Variants in GNL3L observed in about 807,000 individuals in gnomAD.
GNL3L encodes the protein guanine nucleotide-binding protein-like 3-like protein.
Under a neutral mutation model 42.9 loss-of-function variants are expected in GNL3L, and 4 were observed. The observed-to-expected ratio is 0.09, with a 90% CI of 0.05 to 0.21. The LOEUF (loss-of-function observed/expected upper bound fraction) is 0.21, where lower values mean the gene tolerates loss of function less well. Among genes scored for constraint, GNL3L ranks in the 10% least tolerant of loss-of-function variants. The probability of loss-of-function intolerance (pLI) is 1.00; values close to 1 mark genes in which losing one functional copy is unlikely to be tolerated. For missense variants in GNL3L, 412 were observed against 481.7 expected (o/e 0.86, Z 1.36); for synonymous variants, 159 against 176.3 (o/e 0.90, Z 0.78).
chrX:54,642,220 A>G, the GNL3L span, among the ~76,000 whole-genome samples: 3 of 112,044 alleles, frequency 2.7e-5, no homozygotes, highest in Non-Finnish European at 5.6e-5. Flanking sequence ...ACTGAGGCTT[A>G]GTGAGATTAA....
downstream of GNL3L, among the ~76,000 whole-genome samples, chrX:54,623,359 G>T (rs914250660): frequency 8.9e-6 from 1 of 111,886 alleles, no homozygotes; most frequent in East Asian, 2.8e-4. Context: ...CTTGTTTCCA[G>T]GTTTAAATGA....
chrX:54,548,011 CAT>C (rs1924821621), intron 8 of GNL3L, among the ~76,000 whole-genome samples: 1 of 111,712 alleles, frequency 9.0e-6, no homozygotes, highest in Non-Finnish European at 1.9e-5. Flanking sequence ...AGGCAAGTGA[CAT>C]GTGTCGAAGC....
intron 2 of GNL3L, among the ~76,000 whole-genome samples, chrX:54,536,482 T>G (rs1237540293): frequency 9.0e-6 from 1 of 110,696 alleles, no homozygotes; most frequent in Non-Finnish European, 1.9e-5. Flanking sequence ...TGCCAGTAGT[T>G]TTATCCAAAA....
intron 16 of GNL3L, among the ~76,000 whole-genome samples, chrX:54,581,955 G>A (rs1362007296): frequency 8.9e-6 from 1 of 111,880 alleles, no homozygotes; most frequent in African/African-American, 3.3e-5. Flanking sequence ...GAGTTATGTA[G>A]GAGTAGCTTT....
chrX:54,625,279 G>GT (rs1467584643), downstream of GNL3L, among the ~76,000 whole-genome samples: 5 of 86,935 alleles, frequency 5.8e-5, no homozygotes, highest in African/African-American at 3.1e-4. Flanking sequence ...GTTAGCTCTG[G>GT]TTTTGTTTTG....
At position 54,563,782 on chromosome X, in the gene GNL3L, T is replaced by A. The variant is rs1002249942; in HGVS notation, c.*3180T>A. The stretch of plus-strand genomic sequence containing the variant: ...GCGTGGGCAACAGAGTGAGACTGTC[T>A]CAGGGGGAAAAAAAAAGAGGAAAAC... On this transcript the variant is annotated 3_prime_UTR_variant, in exon 16 of 16. Coordinates refer to ENST00000360845, the MANE Select transcript of GNL3L (RefSeq NM_001184819.2). Among the ~76,000 whole-genome samples, 2 of 109,136 alleles carry A rather than the reference T, an allele frequency of 1.8e-5. No individual in the cohort carries two copies. The highest frequency in any genetic ancestry group is 6.9e-5 in the African/African-American group (2 of 29,183). 94.8% of individuals were successfully genotyped at this position (109,136 alleles called of 115,157 possible).
intron 14 of GNL3L, 22 bp downstream of exon 14, chrX:54,554,714 G>T (rs376559588): frequency 1.1e-4 from 128 of 1,190,993 alleles, no homozygotes; most frequent in Non-Finnish European, 1.4e-4. Context: ...CTTTGTTCAT[G>T]GCAACCCTCT....
intron 16 of GNL3L, among the ~76,000 whole-genome samples, chrX:54,607,082 C>CT (rs1557200532): frequency 0.12 from 2,564 of 21,116 alleles, 409 homozygotes; most frequent in African/African-American, 0.27. Flanking sequence ...CTCTTTCTTT[C>CT]TTCTTTCTTT....
At chrX:54,554,895 C>A (rs1925042883) in intron 14 of GNL3L, among the ~76,000 whole-genome samples, 1 of 111,785 alleles carries the variant, frequency 8.9e-6, no homozygotes, top group African/African-American at 3.2e-5. Flanking sequence ...GCAGCTTTCC[C>A]AGCTCTGGTT....
intron 16 of GNL3L, among the ~76,000 whole-genome samples, chrX:54,575,728 C>T (rs1224986699): frequency 1.8e-5 from 2 of 108,903 alleles, no homozygotes; most frequent in African/African-American, 6.7e-5. Context: ...AGCAAGACTC[C>T]GTCTCAAAAA....
intron 7 of GNL3L, among the ~76,000 whole-genome samples, chrX:54,543,805 T>G (rs1055880726): frequency 8.9e-6 from 1 of 112,265 alleles, no homozygotes; most frequent in Non-Finnish European, 1.9e-5. Flanking sequence ...GAATTAATGA[T>G]AAAATGCTTG....
chrX:54,571,354 C>T (rs372013636), downstream of GNL3L, among the ~76,000 whole-genome samples: 73 of 108,812 alleles, frequency 6.7e-4, no homozygotes, highest in African/African-American at 2.2e-3. Context: ...CCACCACGCC[C>T]GACTAATGTT....
chrX:54,601,352 C>G (rs1157873318), intron 16 of GNL3L, among the ~76,000 whole-genome samples: 1 of 111,552 alleles, frequency 9.0e-6, no homozygotes, highest in Admixed American at 9.5e-5. Context: ...GTATTATATG[C>G]TATGTGATTT....
exon 17 of GNL3L, among the ~76,000 whole-genome samples, chrX:54,621,215 T>C (rs1337825608): frequency 8.9e-6 from 1 of 111,976 alleles, no homozygotes; most frequent in Non-Finnish European, 1.9e-5. Context: ...CCTTTTAGGC[T>C]AAGTCATATA....
At chrX:54,580,883 T>G (rs1316951653) in intron 16 of GNL3L, among the ~76,000 whole-genome samples, 1 of 112,062 alleles carries the variant, frequency 8.9e-6, no homozygotes, top group Non-Finnish European at 1.9e-5. Flanking sequence ...TGGGTTCAAG[T>G]GATTCTCCTG....
rs1283484072 is a variant in GNL3L, at chrX:54,551,960, A to G, written c.1167A>G (p.Leu389=). The stretch of plus-strand genomic sequence containing the variant: ...AGGAACAGGCGGCCAAAGCTGTCCT[A>G]GCTGACTGGGTGAGGTGAGGAGGGG... The part of the protein sequence containing the change: ...YSQEQAAKAV[L]ADWVSGKISF... The change falls in exon 12 of 16, where the codon CTA becomes CTG. Residue 389 remains leucine, a synonymous_variant. Transcript: ENST00000360845. The G allele has an allele frequency of 8.3e-7, 1 of 1,210,239 alleles. No individual in the cohort carries two copies. Among genetic ancestry groups the G allele is most frequent in the African/African-American group, 1.7e-5 (1 of 57,441 alleles).
intron 16 of GNL3L, among the ~76,000 whole-genome samples, chrX:54,590,274 T>C (rs1420717598): frequency 8.9e-6 from 1 of 112,291 alleles, no homozygotes; most frequent in Non-Finnish European, 1.9e-5. Flanking sequence ...TGATATCTCA[T>C]TGTAGTTTTG....
At position 54,539,050 on chromosome X, in the gene GNL3L, G is replaced by A; in HGVS notation, c.30G>A (p.Lys10=). 1 of 1,141,582 alleles carries A rather than the reference G, an allele frequency of 8.8e-7. No individual in the cohort carries two copies. The highest frequency in any genetic ancestry group is 1.2e-6 in the Non-Finnish European group (1 of 840,098). 94.1% of individuals were successfully genotyped at this position (1,141,582 alleles called of 1,213,427 possible). The part of the protein sequence containing the change: MMKLRHKNK[K]PGEGSKGHKK... ...TTTTTTCTTTTGTAGAAAATAAAAA[G>A]CCAGGTGAAGGTTCCAAGGGCCACA... Residue 10 remains lysine (K), a synonymous_variant, in exon 3 of 16, where the codon AAG becomes AAA. Transcript: ENST00000360845.
Position 54,562,834 on chromosome X carries a change from T to G in GNL3L, c.*2232T>G. ...AGTTGACAGGATGGCCAGACCCAAG[T>G]GGGCGTATTAAGTGGTGGTGCTAGG... On this transcript the variant is annotated 3_prime_UTR_variant, in exon 16 of 16. Transcript: ENST00000360845. Among the ~76,000 whole-genome samples, 1 of 107,757 alleles carries G rather than the reference T, an allele frequency of 9.3e-6. No individual in the cohort carries two copies. The allele number at this position is 107,757 out of a possible 115,157, so 93.6% of individuals were successfully genotyped here.
Sources: gnomAD v4.1 joint callset for allele counts (sites outside exome capture counted in the v4.1 genomes callset) on GRCh38, gnomAD v4.1.1 for gene constraint, MANE v1.5 for transcripts, NCBI Gene and HGNC (gene_info 2026-07-23, HGNC 2026-07-21) for gene names.